The following RGS3 variants were observed in gnomAD, a reference collection of about 807,000 sequenced individuals.
RGS3 encodes the protein regulator of G-protein signalling 3.
A neutral mutation model predicts 132.6 loss-of-function variants in RGS3; 80 were observed. That is an observed-to-expected ratio of 0.60 (90% CI 0.50 to 0.73). The LOEUF (loss-of-function observed/expected upper bound fraction) is 0.73, where lower values mean the gene tolerates loss of function less well. Among genes scored for constraint, RGS3 ranks in the 30% least tolerant of loss-of-function variants. The pLI is 0.00. For missense variants in RGS3, 1,382 were observed against 1,530.8 expected (o/e 0.90, Z 1.62); for synonymous variants, 598 against 620.6 (o/e 0.96, Z 0.54).
In RGS3 at chr9:113,454,730, C is replaced by G. The variant is rs553284857; in HGVS notation, c.-12-5515C>G. On this transcript the variant is annotated intron_variant, in intron 1 of 25. Coordinates refer to the RGS3 transcript ENST00000374140. ...TAGATGGACAAGTACAGCATTTAAT[C>G]TAGGGTTGATTATTCCCCACAACTG... 3.4e-5 allele frequency among the ~76,000 whole-genome samples: 4 copies of G among 118,440 alleles called. No homozygotes were observed. In the Admixed American group the frequency reaches 3.9e-4, roughly 12 times the overall value. The allele number at this position is 118,440 out of a possible 152,430, so 77.7% of individuals were successfully genotyped here.
intron 19 of RGS3, chr9:113,582,388 A>G (rs1834869534): frequency 5.8e-6 from 1 of 172,564 alleles, no homozygotes; most frequent in African/African-American, 2.4e-5. Context: ...AGGTGCACAC[A>G]TTCCCAAGCA....
chr9:113,537,257 G>C lies in RGS3; in HGVS notation c.2037+339G>C, dbSNP rs1021391258. On this transcript the variant is annotated intron_variant, in intron 19 of 24. Coordinates refer to ENST00000350696, the Ensembl canonical transcript of RGS3. The surrounding 1 kb of genome is among the most constrained non-coding windows in gnomAD (Gnocchi z 4.3). ...GGCATGCGTTCACCTCTGCCATTGG[G>C]TAGCCTGTGCCTGGGGGCAGCACAC... 6.6e-6 allele frequency among the ~76,000 whole-genome samples: 1 copy of C among 152,238 alleles called. No individual in the cohort carries two copies. The highest frequency in any genetic ancestry group is 2.4e-5 in the African/African-American group (1 of 41,458).
At chr9:113,495,639 CAG>C in intron 7 of RGS3, 145 bp from the exon 6 acceptor site, 1 of 704,542 alleles carries the variant, frequency 1.4e-6, no homozygotes, top group Non-Finnish European at 2.6e-6. Flanking sequence ...TCCTGCCTCA[CAG>C]AGTCAGAAGG....
intron 23 of RGS3, 179 bp downstream of exon 21, chr9:113,595,159 C>T: frequency 4.8e-6 from 3 of 620,648 alleles, no homozygotes; most frequent in South Asian, 3.9e-5. Flanking sequence ...GCCTTGGAGC[C>T]AGCTTCTGCC....
chr9:113,587,555 C>T (rs995932079), intron 20 of RGS3, among the ~76,000 whole-genome samples: 1 of 152,204 alleles, frequency 6.6e-6, no homozygotes. Flanking sequence ...GGGCGCAGTA[C>T]GTAGAAAGCT....
chr9:113,497,952 C>G, intron 9 of RGS3, 73 bp from the exon 8 acceptor site: 1 of 1,496,474 alleles, frequency 6.7e-7, no homozygotes. Context: ...CCAGTGCTGT[C>G]CTCTGGGTGG....
chr9:113,596,924 A>C lies in RGS3; in HGVS notation c.3568A>C (p.Asn1190His), dbSNP rs1186623933. 6.2e-7 allele frequency: 1 copy of C among 1,611,380 alleles called. No homozygotes were observed. The highest frequency in any genetic ancestry group is 8.5e-7 in the Non-Finnish European group (1 of 1,178,922). ...TTCTGACCTCTACCTGGACCTTATT[A>C]ACCAGAAGAAGATGAGTCCCCCGCT... is the stretch of plus-strand genomic sequence containing the variant. The change falls in exon 25 of 25, where the codon AAC (asparagine) becomes CAC (histidine). Residue 1190 changes from asparagine (N) to histidine (H), a missense_variant. Physicochemically the swap from Asn to His is moderately conservative, Grantham distance 68. Coordinates refer to ENST00000350696, the Ensembl canonical transcript of RGS3.
chr9:113,492,657 C>T (rs1309364591), intron 7 of RGS3, among the ~76,000 whole-genome samples: 2 of 152,164 alleles, frequency 1.3e-5, no homozygotes, highest in Non-Finnish European at 2.9e-5. Flanking sequence ...AGAGTTCAGG[C>T]ACTCCCGAGG....
Position 113,507,417 on chromosome 9 carries a change from C to T in RGS3, c.1216C>T (p.Arg406Trp), listed in dbSNP as rs1419230639. The T allele has an allele frequency of 8.7e-6, 14 of 1,613,810 alleles. No individual in the cohort carries two copies. The highest frequency in any genetic ancestry group is 2.7e-5 in the African/African-American group (2 of 74,942). Residue 406 changes from arginine (R) to tryptophan (W), a missense_variant, in exon 13 of 25, where the codon CGG becomes TGG. By Grantham distance (101) the Arg-to-Trp change is moderately radical. Coordinates refer to ENST00000350696, the Ensembl canonical transcript of RGS3. The surrounding 1 kb of genome is among the most constrained non-coding windows in gnomAD (Gnocchi z 5.0). ...TGACCTCCAGTCACCCCCCAACAAACGGGAGAAGAACTGCACCCATGGGGT... is the reference window on the plus strand; with the variant it reads ...TGACCTCCAGTCACCCCCCAACAAATGGGAGAAGAACTGCACCCATGGGGT...
At chr9:113,595,504 G>A (rs755830061) in intron 23 of RGS3, 95 bp from the exon 22 acceptor site, 9 of 1,384,680 alleles carry the variant, frequency 6.5e-6, no homozygotes, top group Middle Eastern at 2.5e-4. Context: ...CTCCCAGCAC[G>A]CCCATCTTTA....
intron 14 of RGS3, among the ~76,000 whole-genome samples, chr9:113,513,300 C>A (rs1446894318): frequency 6.6e-6 from 1 of 152,186 alleles, no homozygotes; most frequent in African/African-American, 2.4e-5. Context: ...ACCCCTCCCC[C>A]CACACCGCCG....
At chr9:113,491,562 C>A (rs1830524154) in intron 7 of RGS3, among the ~76,000 whole-genome samples, 1 of 147,814 alleles carries the variant, frequency 6.8e-6, no homozygotes, top group South Asian at 2.1e-4. Context: ...AGGACATAAT[C>A]TTTTTTTTTT....
rs2119217079 is a variant in RGS3, at chr9:113,481,317, G to T, written c.467-1742G>T. On this transcript the variant is annotated intron_variant, in intron 4 of 24. Coordinates refer to ENST00000350696, the Ensembl canonical transcript of RGS3. Reference sequence around the variant, plus strand: ...AGACTGAGAATGCAATGAGGACAGGGACTGGGTGTGGTTCATTGTCACTGC... The same window carrying T: ...AGACTGAGAATGCAATGAGGACAGGTACTGGGTGTGGTTCATTGTCACTGC... 2.0e-5 allele frequency among the ~76,000 whole-genome samples: 3 copies of T among 152,296 alleles called. 1 individual carries two copies. In the South Asian group the frequency reaches 6.2e-4, roughly 32 times the overall value.
intron 19 of RGS3, among the ~76,000 whole-genome samples, chr9:113,571,265 T>A (rs1217822002): frequency 6.6e-6 from 1 of 152,282 alleles, no homozygotes; most frequent in Non-Finnish European, 1.5e-5. Flanking sequence ...GGTGAATACC[T>A]AAGTTTTGCA....
chr9:113,501,662 GGGGTGTTCA>G, intron 10 of RGS3: 1 of 1,546,024 alleles, frequency 6.5e-7, no homozygotes, highest in African/African-American at 1.3e-5. Flanking sequence ...GGGAGCCTGT[GGGGTGTTCA>G]GGGATAGGGG....
chr9:113,542,183 C>T (rs992801418), intron 19 of RGS3: 1 of 152,114 alleles, frequency 6.6e-6, no homozygotes, highest in Admixed American at 6.5e-5. Context: ...GGAGCCAGTC[C>T]TGGACTTGGG....
upstream of RGS3, among the ~76,000 whole-genome samples, chr9:113,456,609 G>A (rs146508861): frequency 7.8e-4 from 118 of 150,500 alleles, 1 homozygote; most frequent in East Asian, 0.02. Context: ...TTTTGCTTCC[G>A]ACCCTCATGT....
chr9:113,505,642 A>G (rs571334506), intron 11 of RGS3, 119 bp downstream of exon 9: 2 of 730,928 alleles, frequency 2.7e-6, no homozygotes, highest in East Asian at 2.7e-5. Context: ...TGGCTTTTCA[A>G]AATGAAAAGA....
At chr9:113,533,891 TAG>T (rs1832573350) in intron 18 of RGS3, among the ~76,000 whole-genome samples, 1 of 152,234 alleles carries the variant, frequency 6.6e-6, no homozygotes, top group Non-Finnish European at 1.5e-5. Context: ...TGCCATGGGC[TAG>T]AGGACTCTGG....
Sources: allele counts gnomAD v4.1 joint callset (sites outside exome capture counted in the v4.1 genomes callset), GRCh38; gene constraint gnomAD v4.1.1; non-coding constraint Gnocchi (gnomAD v3.1); transcripts MANE v1.5; gene names NCBI Gene and HGNC (gene_info 2026-07-23, HGNC 2026-07-21).